MDGA2: variants seen among roughly 807,000 people sequenced by gnomAD.
The protein encoded by MDGA2 is MAM domain-containing glycosylphosphatidylinositol anchor protein 2.
In MDGA2, 40 loss-of-function variants were observed where a neutral mutation model predicts 117.8. The observed-to-expected ratio is 0.34, with a 90% CI of 0.26 to 0.44. The LOEUF (loss-of-function observed/expected upper bound fraction) is 0.44. Among genes scored for constraint, MDGA2 ranks in the 20% least tolerant of loss-of-function variants. The pLI is 1.00. For missense variants in MDGA2, 1,123 were observed against 1,250.6 expected (o/e 0.90, Z 1.54); for synonymous variants, 452 against 439.0 (o/e 1.03, Z -0.37).
At chr14:47,213,336 T>C (rs1885954658) in intron 3 of MDGA2, among the ~76,000 whole-genome samples, 2 of 152,178 alleles carry the variant, frequency 1.3e-5, no homozygotes, top group South Asian at 2.1e-4. Context: ...TGTGAGCATT[T>C]TGGAAAAAAT....
chr14:47,075,032 A>C (rs2138859394), intron 6 of MDGA2, among the ~76,000 whole-genome samples: 1 of 151,932 alleles, frequency 6.6e-6, no homozygotes, highest in South Asian at 2.1e-4. Flanking sequence ...ACATAATCAA[A>C]CCTTTCCCCG....
intron 1 of MDGA2, among the ~76,000 whole-genome samples, chr14:47,326,954 C>T (rs1031763888): frequency 3.3e-5 from 5 of 152,044 alleles, no homozygotes; most frequent in Non-Finnish European, 7.4e-5. Context: ...GAGATATTAA[C>T]AAAGAGGCTG....
In MDGA2 at chr14:47,674,975, C is replaced by T; in HGVS notation, c.-179G>A. ...GAAGTGTTCTTCAGGGAAGCGGGCT[C>T]GAGTCTCCGCAGCTGCGGCGGCGGC... On this transcript the variant is annotated 5_prime_UTR_variant, in exon 1 of 17. Transcript: ENST00000399232. The T allele has an allele frequency of 2.6e-6, 1 of 390,538 alleles. No homozygotes were observed. The highest frequency in any genetic ancestry group is 4.5e-6 in the Non-Finnish European group (1 of 222,116). 24.2% of individuals were successfully genotyped at this position (390,538 alleles called of 1,614,324 possible).
At chr14:47,389,294 T>C (rs545592958) in intron 1 of MDGA2, among the ~76,000 whole-genome samples, 258 of 152,228 alleles carry the variant, frequency 1.7e-3, no homozygotes, top group Non-Finnish European at 2.7e-3. Flanking sequence ...TGTGAACACA[T>C]AAACATGTTG....
intron 2 of MDGA2, among the ~76,000 whole-genome samples, chr14:47,238,372 G>GCTTGGTTTGCTT (rs1566696360): frequency 4.1e-5 from 6 of 146,998 alleles, no homozygotes; most frequent in South Asian, 2.1e-4. Flanking sequence ...CTCACACTTA[G>GCTTGGTTTGCTT]TAGGTGGTTA....
At chr14:47,485,599 T>G (rs1019165107) in intron 1 of MDGA2, among the ~76,000 whole-genome samples, 1 of 152,098 alleles carries the variant, frequency 6.6e-6, no homozygotes, top group Non-Finnish European at 1.5e-5. Context: ...ATGTCACAGG[T>G]CTTCACAGCA....
intron 8 of MDGA2, among the ~76,000 whole-genome samples, chr14:46,998,132 T>C (rs950321363): frequency 6.6e-6 from 1 of 151,968 alleles, no homozygotes; most frequent in Non-Finnish European, 1.5e-5. Flanking sequence ...TGAAGTGAAA[T>C]ATCATAGGGC....
chr14:47,532,823 C>T (rs1469748642), intron 1 of MDGA2, among the ~76,000 whole-genome samples: 8 of 152,150 alleles, frequency 5.3e-5, no homozygotes, highest in African/African-American at 1.9e-4. Context: ...AGATTAGGTT[C>T]AATTCTAGGT....
intron 1 of MDGA2, among the ~76,000 whole-genome samples, chr14:47,541,419 G>T (rs1323575778): frequency 2.0e-5 from 3 of 152,148 alleles, no homozygotes; most frequent in Admixed American, 6.5e-5. Flanking sequence ...CATGCTTGGG[G>T]TATATTAATT....
intron 9 of MDGA2, among the ~76,000 whole-genome samples, chr14:46,933,799 AATATATATATAT>A (rs34723414): frequency 0.018 from 1,544 of 87,100 alleles, 30 homozygotes; most frequent in African/African-American, 0.033. Context: ...TTATGTAACA[AATATATATATAT>A]ATATATATAT....
intron 1 of MDGA2, among the ~76,000 whole-genome samples, chr14:47,511,449 T>A (rs909758348): frequency 1.3e-5 from 2 of 152,194 alleles, no homozygotes; most frequent in African/African-American, 4.8e-5. Context: ...AATAAACATT[T>A]AAAATTATTT....
At chr14:47,188,835 C>A (rs1379534794) in intron 3 of MDGA2, among the ~76,000 whole-genome samples, 1 of 152,098 alleles carries the variant, frequency 6.6e-6, no homozygotes, top group Admixed American at 6.6e-5. Context: ...ATACTCTCCC[C>A]AAAAGAAAAC....
intron 11 of MDGA2, among the ~76,000 whole-genome samples, chr14:46,880,601 G>A (rs916984553): frequency 2.0e-5 from 3 of 151,266 alleles, no homozygotes; most frequent in South Asian, 4.1e-4. Context: ...TCGGGAGTTC[G>A]AGACCAGCCT....
rs1015948782 is a variant in MDGA2, at chr14:47,618,461, C to T, written c.280+56056G>A. Among the ~76,000 whole-genome samples the T allele has an allele frequency of 3.3e-5, 5 of 152,194 alleles. No homozygotes were observed. The South Asian group carries it at 1.0e-3, about 32-fold the overall frequency. On this transcript the variant is annotated intron_variant, in intron 1 of 16. Coordinates refer to ENST00000399232, the MANE Select transcript of MDGA2 (RefSeq NM_001113498.3). ...TGTCTATCTGGATGTTTCAATCATC[C>T]CCTACTCCCTGAATGTGACCCGTCC...
chr14:47,400,442 G>C (rs1892110130), intron 1 of MDGA2, among the ~76,000 whole-genome samples: 1 of 151,674 alleles, frequency 6.6e-6, no homozygotes, highest in African/African-American at 2.4e-5. Context: ...TTTATATCTG[G>C]CTCCGATTTA....
chr14:47,360,728 C>A (rs1594816459), intron 1 of MDGA2, among the ~76,000 whole-genome samples: 1 of 152,188 alleles, frequency 6.6e-6, no homozygotes, highest in Admixed American at 6.5e-5. Context: ...TAGATATATA[C>A]CCAAAGGAAA....
chr14:47,411,770 A>G (rs1167406582), intron 1 of MDGA2, among the ~76,000 whole-genome samples: 1 of 152,180 alleles, frequency 6.6e-6, no homozygotes, highest in African/African-American at 2.4e-5. Context: ...AATTCTGCTT[A>G]TCAATGCATA....
intron 8 of MDGA2, among the ~76,000 whole-genome samples, chr14:47,005,437 C>A (rs1396536696): frequency 6.6e-6 from 1 of 151,500 alleles, no homozygotes. Flanking sequence ...GTTAAACCAA[C>A]TTCATATTCT....
At chr14:46,979,078 T>C (rs1886572206) in intron 8 of MDGA2, among the ~76,000 whole-genome samples, 1 of 152,182 alleles carries the variant, frequency 6.6e-6, no homozygotes, top group South Asian at 2.1e-4. Context: ...AGTACTCACT[T>C]TGTGTCTCTG....
Sources: gnomAD v4.1 joint callset for allele counts (sites outside exome capture counted in the v4.1 genomes callset) on GRCh38, gnomAD v4.1.1 for gene constraint, MANE v1.5 for transcripts, NCBI Gene and HGNC (gene_info 2026-07-23, HGNC 2026-07-21) for gene names.